Variants in DERL1 observed in about 807,000 individuals in gnomAD.
DERL1 encodes the protein derlin-1.
Under a neutral mutation model 41.6 loss-of-function variants are expected in DERL1, and 24 were observed. The ratio of observed to expected loss-of-function variants is 0.58; its 90% CI spans 0.42 to 0.81. The LOEUF (loss-of-function observed/expected upper bound fraction) is 0.81, where lower values mean the gene tolerates loss of function less well. Ranked by LOEUF, DERL1 falls within the 30% of genes least tolerant of loss-of-function variation. The pLI, the probability that DERL1 is intolerant of heterozygous loss-of-function variation, is 0.00. For missense variants in DERL1, 260 were observed against 314.3 expected, an observed-to-expected ratio of 0.83 and a Z score of 1.31; for synonymous variants, 124 against 112.5, an observed-to-expected ratio of 1.10 and a Z score of -0.65.
chr8:123,015,354 G>T lies in DERL1; in HGVS notation c.*93C>A. ...AAAGACTACATTCAGTGTGGGTCAGGTCCAACAGTGTTAGCCAGAACGCAG... is the reference window on the plus strand; with the variant it reads ...AAAGACTACATTCAGTGTGGGTCAGTTCCAACAGTGTTAGCCAGAACGCAG... On this transcript the variant is annotated 3_prime_UTR_variant, in exon 8 of 8. Transcript: ENST00000259512. 6.7e-7 allele frequency: 1 copy of T among 1,494,240 alleles called. No homozygotes were observed. Among genetic ancestry groups the T allele is most frequent in the Non-Finnish European group, 9.0e-7 (1 of 1,107,960 alleles). The allele number at this position is 1,494,240 out of a possible 1,614,324, so 92.6% of individuals were successfully genotyped here. A position where few individuals can be genotyped will look rare whatever the true frequency, so the allele number is the denominator to read the frequency against.
chr8:123,029,738 G>A (rs1812779996), intron 2 of DERL1, among the ~76,000 whole-genome samples: 2 of 152,234 alleles, frequency 1.3e-5, no homozygotes, highest in East Asian at 1.9e-4. Flanking sequence ...ACACTTTTAC[G>A]AAAAGATTTT....
At chr8:123,027,293 C>CAAAA (rs1491294516) in intron 2 of DERL1, among the ~76,000 whole-genome samples, 1 of 27,206 alleles carries the variant, frequency 3.7e-5, no homozygotes, top group East Asian at 1.2e-3. Context: ...GACCCTGTCT[C>CAAAA]AAAAAAAAAA....
chr8:123,033,155 G>C (rs1160276927), intron 1 of DERL1, among the ~76,000 whole-genome samples: 2 of 152,078 alleles, frequency 1.3e-5, no homozygotes, highest in Non-Finnish European at 2.9e-5. Flanking sequence ...GAGCCACTGG[G>C]CCTAGCCTAG....
intron 1 of DERL1, among the ~76,000 whole-genome samples, chr8:123,040,174 G>A (rs761861832): frequency 3.9e-5 from 6 of 152,034 alleles, no homozygotes; most frequent in Non-Finnish European, 5.9e-5. Flanking sequence ...CCAAGATTGC[G>A]CCATATACAC....
chr8:123,020,823 G>T (rs186366964), intron 6 of DERL1, among the ~76,000 whole-genome samples: 10 of 145,490 alleles, frequency 6.9e-5, no homozygotes, highest in Non-Finnish European at 1.5e-4. Context: ...AAAAATAGCC[G>T]GGCATGGAGG....
At position 123,042,024 on chromosome 8, in the gene DERL1, G is replaced by A; in HGVS notation, c.99C>T (p.Leu33=). 1.2e-6 allele frequency: 2 copies of A among 1,613,934 alleles called. No homozygotes were observed. The highest frequency in any genetic ancestry group is 1.7e-6 in the Non-Finnish European group (2 of 1,179,898). Residue 33 remains leucine (L), a synonymous_variant, in exon 1 of 8, where the codon CTC becomes CTT. Transcript: ENST00000259512. ...VAVPLVGKLG[L]ISPAYLFLWP... ...AGAGGAAGAGGTAGGCCGGGCTGAT[G>A]AGGCCGAGTTTGCCGACCAAGGGCA...
chr8:123,015,861 C>A, intron 7 of DERL1: 1 of 297,302 alleles, frequency 3.4e-6, no homozygotes, highest in Non-Finnish European at 6.2e-6. Flanking sequence ...AAAAGTAATC[C>A]ATGCAGAACA....
chr8:123,029,781 T>C (rs1229601645), intron 2 of DERL1, among the ~76,000 whole-genome samples: 1 of 152,146 alleles, frequency 6.6e-6, no homozygotes, highest in Non-Finnish European at 1.5e-5. Flanking sequence ...ATAGGTTGGC[T>C]GGGCACGTTG....
At chr8:123,030,112 A>C (rs969302062) in intron 2 of DERL1, 1 of 152,218 alleles carries the variant, frequency 6.6e-6, no homozygotes, top group Non-Finnish European at 1.5e-5. Flanking sequence ...ATACCTGATA[A>C]ACTACCATAT....
rs1288206196 is a variant in DERL1, at chr8:123,020,630, G to C, written c.506+817C>G. Among the ~76,000 whole-genome samples the C allele has an allele frequency of 2.0e-5, 3 of 151,492 alleles. No homozygotes were observed. In the East Asian group the frequency reaches 5.9e-4, roughly 30 times the overall value. ...GCTCTAATTCCTGACCAATAGACTA[G>C]ATATTTGACCCTGGTTGGCCAAAAG... On this transcript the variant is annotated intron_variant, in intron 6 of 7. Coordinates refer to ENST00000259512, the MANE Select transcript of DERL1 (RefSeq NM_024295.6).
Position 123,039,327 on chromosome 8 carries a change from T to G in DERL1, c.153+2643A>C, listed in dbSNP as rs140186531. On this transcript the variant is annotated intron_variant, in intron 1 of 7. Coordinates refer to ENST00000259512, the MANE Select transcript of DERL1 (RefSeq NM_024295.6). ...TCACAAGGCTCCAAAGACTTCATAG[T>G]GCCCTCAAAATAAAGTTCAAACCTC... is the stretch of plus-strand genomic sequence containing the variant. Among the ~76,000 whole-genome samples, 189 of 152,314 alleles carry G rather than the reference T, an allele frequency of 1.2e-3. 1 individual carries two copies. Among genetic ancestry groups the G allele is most frequent in the African/African-American group, 4.4e-3 (181 of 41,564 alleles).
chr8:123,037,812 G>C (rs1185178173), intron 1 of DERL1, among the ~76,000 whole-genome samples: 1 of 152,132 alleles, frequency 6.6e-6, no homozygotes, highest in Non-Finnish European at 1.5e-5. Context: ...CATGACCTCA[G>C]GGAAGTTGTA....
chr8:123,028,377 G>A (rs1812749680), intron 2 of DERL1, among the ~76,000 whole-genome samples: 1 of 152,250 alleles, frequency 6.6e-6, no homozygotes, highest in East Asian at 1.9e-4. Flanking sequence ...AGTCACCAAA[G>A]GACATATGAA....
intron 1 of DERL1, among the ~76,000 whole-genome samples, chr8:123,034,605 A>G (rs765566649): frequency 5.9e-5 from 9 of 152,228 alleles, no homozygotes; most frequent in Non-Finnish European, 1.2e-4. Flanking sequence ...TATCCCAGAC[A>G]GTCTGACTCC....
intron 5 of DERL1, among the ~76,000 whole-genome samples, chr8:123,022,168 C>T (rs569828333): frequency 1.3e-5 from 2 of 152,194 alleles, no homozygotes; most frequent in African/African-American, 4.8e-5. Context: ...AAAGCCCAAA[C>T]GTAAGACTAA....
chr8:123,024,035 G>C (rs1563630917), intron 3 of DERL1, among the ~76,000 whole-genome samples: 1 of 152,098 alleles, frequency 6.6e-6, no homozygotes, highest in African/African-American at 2.4e-5. Flanking sequence ...CTATAGTTCA[G>C]ATTGCTTAAA....
At position 123,041,948 on chromosome 8, in the gene DERL1, G is replaced by C. The variant is rs531739044; in HGVS notation, c.153+22C>G. ...GCCTCCTGGGGCCTGTAGTCTCCAC[G>C]CCCCCCGTCTCCGGTAAGTACCTGA... On this transcript the variant is annotated intron_variant, in intron 1 of 7. Coordinates refer to ENST00000259512, the MANE Select transcript of DERL1 (RefSeq NM_024295.6). 195 of 1,588,142 alleles carry C rather than the reference G, an allele frequency of 1.2e-4. 4 individuals are homozygous for C. The South Asian group carries it at 2.0e-3, about 16-fold the overall frequency.
At chr8:123,034,086 A>G (rs1812872885) in intron 1 of DERL1, among the ~76,000 whole-genome samples, 1 of 152,214 alleles carries the variant, frequency 6.6e-6, no homozygotes, top group African/African-American at 2.4e-5. Context: ...AAAGGCCCCA[A>G]GAATTGCAAG....
chr8:123,025,924 G>A (rs973884881), intron 2 of DERL1, among the ~76,000 whole-genome samples: 7 of 151,788 alleles, frequency 4.6e-5, no homozygotes, highest in Admixed American at 2.0e-4. Context: ...AATCAACAAC[G>A]GCCTCCCGTG....
Sources: allele counts gnomAD v4.1 joint callset (sites outside exome capture counted in the v4.1 genomes callset), GRCh38; gene constraint gnomAD v4.1.1; transcripts MANE v1.5; gene names NCBI Gene and HGNC (gene_info 2026-07-23, HGNC 2026-07-21).